The following POU6F2 variants were observed in gnomAD, a reference collection of about 807,000 sequenced individuals.
POU6F2 encodes the protein POU class 6 homeobox 2, also known as POU domain, class 6, transcription factor 2.
Under a neutral mutation model 71.3 loss-of-function variants are expected in POU6F2, and 31 were observed. That is an observed-to-expected ratio of 0.43 (90% CI 0.33 to 0.59). The LOEUF is 0.59. POU6F2 is among the 20% of genes least tolerant of loss of function. The probability of loss-of-function intolerance (pLI) is 0.04; values close to 1 mark genes in which losing one functional copy is unlikely to be tolerated. For missense variants in POU6F2, 783 were observed against 856.8 expected (o/e 0.91, Z 1.07); for synonymous variants, 347 against 355.7 (o/e 0.98, Z 0.27).
chr7:39,338,950 C>T (rs1562795652), intron 4 of POU6F2, among the ~76,000 whole-genome samples: 1 of 152,166 alleles, frequency 6.6e-6, no homozygotes, highest in Non-Finnish European at 1.5e-5. Flanking sequence ...CTAATCACCA[C>T]ACTGTTTGGT....
chr7:39,221,309 C>T (rs3923506), intron 4 of POU6F2, among the ~76,000 whole-genome samples: 75,976 of 151,230 alleles, frequency 0.5, 19,491 homozygotes, highest in East Asian at 0.81. Context: ...GGCTCTCTGC[C>T]ATAGTATAGG....
chr7:39,321,426 A>G (rs2128769038), intron 4 of POU6F2, among the ~76,000 whole-genome samples: 1 of 152,280 alleles, frequency 6.6e-6, no homozygotes, highest in South Asian at 2.1e-4. Flanking sequence ...TGAGTGTGAA[A>G]TGACGTGCAG....
chr7:39,326,283 T>C (rs745938238), intron 4 of POU6F2, among the ~76,000 whole-genome samples: 9 of 152,204 alleles, frequency 5.9e-5, no homozygotes, highest in Non-Finnish European at 1.0e-4. Flanking sequence ...GTTATCCACG[T>C]ATTGGAGAAT....
At chr7:39,084,604 T>G (rs2128720602) in intron 1 of POU6F2, among the ~76,000 whole-genome samples, 1 of 152,278 alleles carries the variant, frequency 6.6e-6, no homozygotes, top group East Asian at 1.9e-4. Flanking sequence ...ATGGTATGAG[T>G]ATTGACTAAA....
intron 5 of POU6F2, among the ~76,000 whole-genome samples, chr7:39,405,853 C>G (rs1298280191): frequency 3.3e-5 from 5 of 152,190 alleles, no homozygotes; most frequent in African/African-American, 9.7e-5. Flanking sequence ...CTTTCTTCCT[C>G]CCTGTTTCAC....
intron 2 of POU6F2, among the ~76,000 whole-genome samples, chr7:39,185,782 A>G (rs1793520460): frequency 6.6e-6 from 1 of 151,368 alleles, no homozygotes; most frequent in Non-Finnish European, 1.5e-5. Flanking sequence ...AATGAGAAGT[A>G]TGACAACTTG....
rs764444553 is a variant in POU6F2, at chr7:39,458,861, C to G, written c.1490-1686C>G. Among the ~76,000 whole-genome samples, 12 of 152,248 alleles carry G rather than the reference C, an allele frequency of 7.9e-5. No homozygotes were observed. In the East Asian group the frequency reaches 2.3e-3, roughly 29 times the overall value. On this transcript the variant is annotated intron_variant, in intron 8 of 9. Coordinates refer to ENST00000518318, the MANE Select transcript of POU6F2 (RefSeq NM_001370959.1). ...CTCCCTGCATTTCTGCCTGTGTGCA[C>G]GCTGTCACCACTGACCAGACTATAT... is the stretch of plus-strand genomic sequence containing the variant.
At chr7:39,238,313 C>T (rs1437949634) in intron 4 of POU6F2, among the ~76,000 whole-genome samples, 2 of 152,098 alleles carry the variant, frequency 1.3e-5, no homozygotes, top group Non-Finnish European at 1.5e-5. Context: ...GTAGTTGCTT[C>T]GCCAGTGTCT....
At chr7:39,167,037 C>T (rs965297561) in intron 2 of POU6F2, among the ~76,000 whole-genome samples, 1 of 152,186 alleles carries the variant, frequency 6.6e-6, no homozygotes, top group East Asian at 1.9e-4. Flanking sequence ...TCACACCTCA[C>T]ACCCCATTCT....
At chr7:39,424,092 C>A (rs141927937) in intron 6 of POU6F2, among the ~76,000 whole-genome samples, 1 of 152,224 alleles carries the variant, frequency 6.6e-6, no homozygotes, top group Non-Finnish European at 1.5e-5. Flanking sequence ...TATCTTCTTG[C>A]TGTGTCCTTA....
intron 5 of POU6F2, among the ~76,000 whole-genome samples, chr7:39,380,710 G>T (rs189094587): frequency 1.3e-5 from 2 of 152,314 alleles, no homozygotes; most frequent in Non-Finnish European, 2.9e-5. Context: ...CGGAGGCAAA[G>T]TATGAAAAGC....
chr7:39,276,358 T>A (rs1049036148), intron 4 of POU6F2, among the ~76,000 whole-genome samples: 5 of 152,192 alleles, frequency 3.3e-5, no homozygotes, highest in Non-Finnish European at 5.9e-5. Context: ...AGAGATATCA[T>A]CTCACACCAG....
intron 2 of POU6F2, among the ~76,000 whole-genome samples, chr7:39,104,980 C>T (rs899080619): frequency 6.6e-6 from 1 of 152,106 alleles, no homozygotes; most frequent in Non-Finnish European, 1.5e-5. Flanking sequence ...TGAAGGTTAC[C>T]TTTTTTATCA....
intron 4 of POU6F2, among the ~76,000 whole-genome samples, chr7:39,256,034 C>G (rs1562765407): frequency 1.3e-5 from 2 of 152,112 alleles, no homozygotes; most frequent in African/African-American, 4.8e-5. Flanking sequence ...TTGATGGATT[C>G]AAGAAGGTTA....
At chr7:39,406,384 C>T in intron 5 of POU6F2, 1 of 569,032 alleles carries the variant, frequency 1.8e-6, no homozygotes, top group Non-Finnish European at 3.1e-6. Context: ...ACCCAGACTC[C>T]ACCAAGCTCC....
In POU6F2 at chr7:39,047,644, C is replaced by CA. The variant is rs201005665; in HGVS notation, c.106-38208dup. Among the ~76,000 whole-genome samples the CA allele has an allele frequency of 4.7e-3, 712 of 151,534 alleles. 4 individuals are homozygous for CA. Among genetic ancestry groups the CA allele is most frequent in the South Asian group, 9.8e-3 (47 of 4,812 alleles). On this transcript the variant is annotated intron_variant, in intron 1 of 9. Coordinates refer to ENST00000518318, the MANE Select transcript of POU6F2 (RefSeq NM_001370959.1). ...CATACAAGATTATGTCATCTGCAAA[C>CA]AAAAAAAATTGTTTTTGACCATTCT...
chr7:39,454,729 A>T (rs1054200170), intron 8 of POU6F2, among the ~76,000 whole-genome samples: 49 of 88,028 alleles, frequency 5.6e-4, no homozygotes, highest in Non-Finnish European at 9.9e-4. Flanking sequence ...TATATATATA[A>T]AATAAGATAT....
At chr7:39,189,957 G>C (rs1358618177) in intron 2 of POU6F2, among the ~76,000 whole-genome samples, 1 of 151,496 alleles carries the variant, frequency 6.6e-6, no homozygotes, top group Non-Finnish European at 1.5e-5. Flanking sequence ...GCAGTGGCTC[G>C]ATCATAGCTC....
chr7:39,196,337 GAT>G (rs1360461785), intron 2 of POU6F2, among the ~76,000 whole-genome samples: 7 of 152,168 alleles, frequency 4.6e-5, no homozygotes, highest in Non-Finnish European at 1.0e-4. Flanking sequence ...CCCACCAAAT[GAT>G]ATGTTTAGGA....
Sources: allele counts gnomAD v4.1 joint callset (sites outside exome capture counted in the v4.1 genomes callset), GRCh38; gene constraint gnomAD v4.1.1; transcripts MANE v1.5; gene names NCBI Gene and HGNC (gene_info 2026-07-23, HGNC 2026-07-21).